Variants in SMURF1 observed in about 807,000 individuals in gnomAD.
The protein encoded by SMURF1 is SMAD specific E3 ubiquitin protein ligase 1, also known as E3 ubiquitin-protein ligase SMURF1.
A neutral mutation model predicts 98.0 loss-of-function variants in SMURF1; 44 were observed. The ratio of observed to expected loss-of-function variants is 0.45; its 90% CI spans 0.35 to 0.58. SMURF1 has a LOEUF of 0.58. Among genes scored for constraint, SMURF1 ranks in the 20% least tolerant of loss-of-function variants. The pLI is 0.00. For missense variants in SMURF1, 687 were observed against 938.4 expected, an observed-to-expected ratio of 0.73 and a Z score of 3.50; for synonymous variants, 396 against 374.9, an observed-to-expected ratio of 1.06 and a Z score of -0.65.
intron 1 of SMURF1, among the ~76,000 whole-genome samples, chr7:99,098,388 A>T (rs1431759261): frequency 3.9e-5 from 6 of 152,008 alleles, no homozygotes; most frequent in African/African-American, 1.2e-4. Flanking sequence ...GCTGGGAGGG[A>T]AAAAAAATGA....
At chr7:99,039,224 T>C (rs1259631369) in intron 13 of SMURF1, among the ~76,000 whole-genome samples, 4 of 147,072 alleles carry the variant, frequency 2.7e-5, no homozygotes, top group Admixed American at 6.8e-5. Flanking sequence ...AAAAAAATAC[T>C]GTTCCTCCCT....
chr7:99,132,940 G>T (rs193128006), intron 1 of SMURF1, among the ~76,000 whole-genome samples: 1 of 152,232 alleles, frequency 6.6e-6, no homozygotes, highest in East Asian at 1.9e-4. Context: ...AAAGATTTGG[G>T]GGTGACAGTT....
At chr7:99,044,450 T>A (rs1462219329) in intron 11 of SMURF1, among the ~76,000 whole-genome samples, 1 of 152,250 alleles carries the variant, frequency 6.6e-6, no homozygotes, top group Non-Finnish European at 1.5e-5. Context: ...TTCATCCCTT[T>A]ACAAATAATT....
intron 1 of SMURF1, among the ~76,000 whole-genome samples, chr7:99,063,269 A>AAGATTTT (rs1483132380): frequency 3.8e-4 from 6 of 15,700 alleles, no homozygotes; most frequent in Admixed American, 9.9e-4. Context: ...ATATATATAT[A>AAGATTTT]TATATATATA....
intron 7 of SMURF1, 46 bp downstream of exon 7, chr7:99,052,159 G>A (rs931582899): frequency 2.0e-6 from 3 of 1,469,538 alleles, no homozygotes; most frequent in Non-Finnish European, 2.7e-6. Context: ...TCAACTCATG[G>A]AAACAGGGCA....
At chr7:99,074,236 A>G (rs1487710539) in intron 1 of SMURF1, among the ~76,000 whole-genome samples, 1 of 152,224 alleles carries the variant, frequency 6.6e-6, no homozygotes, top group East Asian at 1.9e-4. Context: ...TGACTGGGGA[A>G]CTGGCCATGC....
intron 1 of SMURF1, among the ~76,000 whole-genome samples, chr7:99,077,003 AAC>A (rs1244907460): frequency 2.0e-5 from 3 of 149,836 alleles, no homozygotes; most frequent in African/African-American, 7.6e-5. Context: ...TAAAAAAAAA[AAC>A]AAAAAAGGTT....
In SMURF1 at chr7:99,121,225, C is replaced by CAAAA. The variant is rs550195057; in HGVS notation, c.55+22497_55+22500dup. On this transcript the variant is annotated intron_variant, in intron 1 of 17. Coordinates refer to ENST00000361368, the MANE Select transcript of SMURF1 (RefSeq NM_181349.3). ...AATTCTGAGATGGTAAGAGTCAAAG[C>CAAAA]AAAAAAAAAAAAAAAAAAAAAATAG... 8.7e-4 allele frequency: 87 copies of CAAAA among 99,760 alleles called. 1 individual carries two copies. Among genetic ancestry groups the CAAAA allele is most frequent in the African/African-American group, 2.1e-3 (53 of 25,316 alleles). 6.2% of individuals were successfully genotyped at this position (99,760 alleles called of 1,614,324 possible).
intron 1 of SMURF1, among the ~76,000 whole-genome samples, chr7:99,062,363 T>A (rs886761670): frequency 6.6e-6 from 1 of 152,126 alleles, no homozygotes; most frequent in Non-Finnish European, 1.5e-5. Flanking sequence ...AATAAAGACC[T>A]GAAGTATTTA....
Position 99,035,641 on chromosome 7 carries a change from C to T in SMURF1, c.1885G>A (p.Asp629Asn), listed in dbSNP as rs147312129. ...SNTRLKHCVA[D>N]SNIVRWFWQA... is the part of the protein sequence containing the mutation. ...CAGAACCACCGCACGATGTTGCTGT[C>T]GGCCACACAGTGCTTCAGCCGCGTG... Residue 629 changes from aspartate to asparagine, a missense_variant, in exon 16 of 18, where the codon GAC becomes AAC. By Grantham distance (23) the Asp-to-Asn change is conservative. Around this residue, in one of 2 missense-constraint regions of SMURF1, gnomAD observed 272 missense variants for 430.0 expected, o/e 0.63. Coordinates refer to ENST00000361368, the MANE Select transcript of SMURF1 (RefSeq NM_181349.3). 43 of 1,614,226 alleles carry T rather than the reference C, an allele frequency of 2.7e-5. No homozygotes were observed. The highest frequency in any genetic ancestry group is 3.0e-5 in the Non-Finnish European group (35 of 1,180,046).
chr7:99,040,702 C>G, intron 12 of SMURF1, 146 bp from the exon 13 acceptor site: 1 of 691,856 alleles, frequency 1.4e-6, no homozygotes, highest in Non-Finnish European at 2.1e-6. Flanking sequence ...CGCTCCTGAA[C>G]AAGTGAAAGA....
intron 1 of SMURF1, among the ~76,000 whole-genome samples, chr7:99,142,983 G>A (rs1378685340): frequency 6.6e-6 from 1 of 150,770 alleles, no homozygotes; most frequent in African/African-American, 2.4e-5. Flanking sequence ...AAGGGGGCGG[G>A]ACCAGGAAGA....
intron 7 of SMURF1, 41 bp downstream of exon 7, chr7:99,052,164 A>T (rs1438995415): frequency 6.8e-7 from 1 of 1,473,038 alleles, no homozygotes; most frequent in South Asian, 1.6e-5. Flanking sequence ...TCATGGAAAC[A>T]GGGCAGATGG....
At chr7:99,055,332 G>A (rs1584463934) in intron 5 of SMURF1, among the ~76,000 whole-genome samples, 1 of 151,778 alleles carries the variant, frequency 6.6e-6, no homozygotes, top group Non-Finnish European at 1.5e-5. Flanking sequence ...GCCAGGCATG[G>A]TGGCACACAC....
At chr7:99,065,785 C>T (rs989580283) in intron 1 of SMURF1, among the ~76,000 whole-genome samples, 1 of 152,052 alleles carries the variant, frequency 6.6e-6, no homozygotes, top group Admixed American at 6.6e-5. Flanking sequence ...CGGTGGCTTA[C>T]GCCTGTAATC....
chr7:99,084,288 T>C (rs1796631131), intron 1 of SMURF1, among the ~76,000 whole-genome samples: 1 of 152,208 alleles, frequency 6.6e-6, no homozygotes, highest in Admixed American at 6.5e-5. Flanking sequence ...TAATTGATAT[T>C]TATTTATTTT....
chr7:99,038,262 T>A (rs914358892), intron 14 of SMURF1, 126 bp downstream of exon 14: 1 of 1,168,672 alleles, frequency 8.6e-7, no homozygotes, highest in African/African-American at 1.5e-5. Flanking sequence ...CCTCTGTTCA[T>A]GTGATCTGAT....
intron 1 of SMURF1, among the ~76,000 whole-genome samples, chr7:99,078,364 T>G (rs1218647874): frequency 6.6e-6 from 1 of 152,154 alleles, no homozygotes; most frequent in Non-Finnish European, 1.5e-5. Context: ...ATAATTAGGT[T>G]TGAGACTGAC....
chr7:99,078,242 C>T (rs1054616920), intron 1 of SMURF1, among the ~76,000 whole-genome samples: 1 of 145,976 alleles, frequency 6.9e-6, no homozygotes, highest in South Asian at 2.2e-4. Context: ...GCAGAGGTTG[C>T]GTTGAGCTGA....
Sources: allele counts gnomAD v4.1 joint callset (sites outside exome capture counted in the v4.1 genomes callset), GRCh38; gene constraint gnomAD v4.1.1; regional missense constraint gnomAD v4.1.1; transcripts MANE v1.5; gene names NCBI Gene and HGNC (gene_info 2026-07-23, HGNC 2026-07-21).